Variants in ACBD6 observed in about 807,000 individuals in gnomAD.
ACBD6 encodes the protein acyl-CoA-binding domain-containing protein 6.
ACBD6 carries 28 observed loss-of-function variants against 37.2 expected under a neutral mutation model. That is an observed-to-expected ratio of 0.75 (90% CI 0.56 to 1.03). ACBD6 has a LOEUF of 1.03. ACBD6 is among the 50% of genes least tolerant of loss of function. The pLI, the probability that ACBD6 is intolerant of heterozygous loss-of-function variation, is 0.00. For synonymous variants in ACBD6, 113 were observed against 126.8 expected, an observed-to-expected ratio of 0.89 and a Z score of 0.73; for missense variants, 340 against 337.4, an observed-to-expected ratio of 1.01 and a Z score of -0.06.
At chr1:180,428,748 T>C (rs2101995169) in intron 4 of ACBD6, among the ~76,000 whole-genome samples, 1 of 152,350 alleles carries the variant, frequency 6.6e-6, no homozygotes, top group East Asian at 1.9e-4. Context: ...GATTTACAGA[T>C]AAGTGACTGA....
At chr1:180,270,001 C>G (rs1027541319) in exon 14 of ACBD6, 2 of 152,242 alleles carry the variant, frequency 1.3e-5, no homozygotes, top group African/African-American at 4.8e-5. Context: ...GGTGTGTCCC[C>G]CCTCACTGTG....
downstream of ACBD6, among the ~76,000 whole-genome samples, chr1:180,285,316 C>T (rs1558233647): frequency 2.6e-5 from 4 of 152,238 alleles, no homozygotes; most frequent in Admixed American, 2.6e-4. Context: ...ATGAGAACTG[C>T]ACTCTAGCCT....
chr1:180,313,933 T>A (rs756464916), intron 7 of ACBD6, among the ~76,000 whole-genome samples: 2 of 152,244 alleles, frequency 1.3e-5, no homozygotes, highest in Admixed American at 6.5e-5. Flanking sequence ...CTAAGAGCCA[T>A]ATTATTTCCA....
At chr1:180,345,552 A>G (rs555563707) in intron 6 of ACBD6, among the ~76,000 whole-genome samples, 21 of 152,322 alleles carry the variant, frequency 1.4e-4, no homozygotes, top group African/African-American at 4.8e-4. Context: ...AACCTTATAA[A>G]AAAGTTTATT....
intron 7 of ACBD6, among the ~76,000 whole-genome samples, chr1:180,298,317 A>G (rs1367584040): frequency 6.6e-6 from 1 of 152,222 alleles, no homozygotes; most frequent in Non-Finnish European, 1.5e-5. Flanking sequence ...TATCATGGGA[A>G]TAAACTTCCC....
chr1:180,451,530 G>A (rs1475810883), intron 3 of ACBD6, among the ~76,000 whole-genome samples: 1 of 152,114 alleles, frequency 6.6e-6, no homozygotes, highest in African/African-American at 2.4e-5. Context: ...CCATACAATA[G>A]AATACTACTC....
At chr1:180,403,758 A>G (rs1204755260) in intron 5 of ACBD6, among the ~76,000 whole-genome samples, 1 of 152,220 alleles carries the variant, frequency 6.6e-6, no homozygotes, top group African/African-American at 2.4e-5. Context: ...AAGCAAGGAA[A>G]CTGACACATG....
chr1:180,309,654 T>C (rs1650512698), intron 7 of ACBD6, among the ~76,000 whole-genome samples: 2 of 152,180 alleles, frequency 1.3e-5, no homozygotes, highest in Admixed American at 6.5e-5. Context: ...CTCTAGACCG[T>C]AGGGCAAATA....
intron 4 of ACBD6, among the ~76,000 whole-genome samples, chr1:180,426,651 T>C (rs1648592786): frequency 6.6e-6 from 1 of 152,204 alleles, no homozygotes; most frequent in Non-Finnish European, 1.5e-5. Context: ...TGCCATGTTA[T>C]TGTAGCTCCT....
At chr1:180,379,231 T>C (rs550208726) in intron 6 of ACBD6, among the ~76,000 whole-genome samples, 11 of 152,224 alleles carry the variant, frequency 7.2e-5, no homozygotes, top group South Asian at 2.1e-4. Context: ...CCCAACACCA[T>C]AGATATATCT....
exon 10 of ACBD6, chr1:180,274,725 G>T: frequency 3.2e-6 from 3 of 951,346 alleles, no homozygotes; most frequent in Non-Finnish European, 4.6e-6. Flanking sequence ...TTCCTAGAAG[G>T]CTGTGAGACC....
intron 3 of ACBD6, among the ~76,000 whole-genome samples, chr1:180,449,612 T>C (rs1257715491): frequency 6.6e-6 from 1 of 152,012 alleles, no homozygotes; most frequent in Non-Finnish European, 1.5e-5. Context: ...TTCACCATGT[T>C]GGCCAGGCTG....
rs1652008589 is a variant in ACBD6, at chr1:180,502,148, C to G, written c.119G>C (p.Ser40Thr). Residue 40 changes from serine (S) to threonine (T), a missense_variant, in exon 1 of 8, where the codon AGT becomes ACT. Physicochemically the swap from Ser to Thr is moderately conservative, Grantham distance 58. Coordinates refer to ENST00000367595, the MANE Select transcript of ACBD6 (RefSeq NM_032360.4). Reference protein sequence around the residue: ...FPHSPEIEETSCLAELFEKAA... With the variant: ...FPHSPEIEETTCLAELFEKAA... The stretch of plus-strand genomic sequence containing the variant: ...CTTCTCAAACAGCTCGGCCAGGCAA[C>G]TGGTCTCCTCGATCTCAGGGCTATG... 1 of 1,614,116 alleles carries G rather than the reference C, an allele frequency of 6.2e-7. No homozygotes were observed. Among genetic ancestry groups the G allele is most frequent in the African/African-American group, 1.3e-5 (1 of 75,074 alleles).
rs1351278477 is a variant in ACBD6 at position 180,430,207 on chromosome 1, C to T, written c.440G>A (p.Ser147Asn). Residue 147 changes from serine to asparagine, a missense_variant, in exon 4 of 8, where the codon AGT becomes AAT. Coordinates refer to ENST00000367595, the MANE Select transcript of ACBD6 (RefSeq NM_032360.4). ...ANTGFGGPVI[S>N]SLYHEETIRE... ...GATGGTTTCTTCATGATATAGAGAA[C>T]TAATAACTGGCCCACCAAAACCTGT... The T allele has an allele frequency of 3.7e-6, 6 of 1,613,138 alleles. No homozygotes were observed. Among genetic ancestry groups the T allele is most frequent in the African/African-American group, 1.3e-5 (1 of 74,830 alleles).
chr1:180,342,678 T>A (rs1652025522), intron 6 of ACBD6, among the ~76,000 whole-genome samples: 1 of 152,068 alleles, frequency 6.6e-6, no homozygotes, highest in African/African-American at 2.4e-5. Context: ...CTATTAGTCT[T>A]CTTTGTGTGT....
At chr1:180,317,138 C>T (rs780626318) in intron 6 of ACBD6, among the ~76,000 whole-genome samples, 2 of 152,204 alleles carry the variant, frequency 1.3e-5, no homozygotes, top group African/African-American at 2.4e-5. Context: ...TGTGCGCACA[C>T]AGAAGGTTCT....
At chr1:180,382,700 A>T (rs1044031623) in intron 6 of ACBD6, among the ~76,000 whole-genome samples, 2 of 152,202 alleles carry the variant, frequency 1.3e-5, no homozygotes, top group Non-Finnish European at 2.9e-5. Context: ...CCCCTAATTC[A>T]TTCTACAAGG....
At chr1:180,328,853 T>C (rs1651362834) in intron 6 of ACBD6, among the ~76,000 whole-genome samples, 1 of 152,088 alleles carries the variant, frequency 6.6e-6, no homozygotes, top group Admixed American at 6.5e-5. Context: ...TCTATATATA[T>C]ATATAAGTTA....
At chr1:180,389,176 C>A (rs1451069308) in intron 6 of ACBD6, among the ~76,000 whole-genome samples, 1 of 152,168 alleles carries the variant, frequency 6.6e-6, no homozygotes, top group Non-Finnish European at 1.5e-5. Flanking sequence ...CAACAGGCCC[C>A]AGAGTGTGAT....
Sources: gnomAD v4.1 joint callset for allele counts (sites outside exome capture counted in the v4.1 genomes callset) on GRCh38, gnomAD v4.1.1 for gene constraint, MANE v1.5 for transcripts, NCBI Gene and HGNC (gene_info 2026-07-23, HGNC 2026-07-21) for gene names.